Variants in SPTSSA observed in about 807,000 individuals in gnomAD.
SPTSSA encodes the protein small subunit of serine palmitoyltransferase A.
A neutral mutation model predicts 9.1 loss-of-function variants in SPTSSA; 8 were observed. The observed-to-expected ratio is 0.88, with a 90% CI of 0.51 to 1.58. The LOEUF (loss-of-function observed/expected upper bound fraction) is 1.58, where lower values mean the gene tolerates loss of function less well. SPTSSA is among the 40% of genes most tolerant of loss of function. The pLI is 0.00. For missense variants in SPTSSA, 100 were observed against 93.8 expected, an observed-to-expected ratio of 1.07 and a Z score of -0.27; for synonymous variants, 42 against 37.7, an observed-to-expected ratio of 1.11 and a Z score of -0.41.
At chr14:34,460,708 T>C (rs562149187) in intron 1 of SPTSSA, among the ~76,000 whole-genome samples, 2 of 152,348 alleles carry the variant, frequency 1.3e-5, no homozygotes, top group African/African-American at 4.8e-5. Flanking sequence ...ATATACTTGC[T>C]TCTACTGAGA....
intron 1 of SPTSSA, among the ~76,000 whole-genome samples, chr14:34,458,858 G>A (rs1878549737): frequency 6.6e-6 from 1 of 150,974 alleles, no homozygotes; most frequent in Non-Finnish European, 1.5e-5. Context: ...GGATGCCCCT[G>A]GAAAGTACAG....
intron 1 of SPTSSA, among the ~76,000 whole-genome samples, chr14:34,447,672 C>T (rs1883445302): frequency 6.6e-6 from 1 of 152,136 alleles, no homozygotes; most frequent in African/African-American, 2.4e-5. Flanking sequence ...TTGTTTTGGA[C>T]TAAGTTCATG....
intron 1 of SPTSSA, among the ~76,000 whole-genome samples, chr14:34,447,521 T>C (rs886547243): frequency 6.6e-5 from 10 of 152,196 alleles, no homozygotes; most frequent in African/African-American, 2.4e-4. Context: ...GGACTTAACC[T>C]ATAAATGATG....
At chr14:34,460,495 C>G (rs962835548) in intron 1 of SPTSSA, among the ~76,000 whole-genome samples, 6 of 152,114 alleles carry the variant, frequency 3.9e-5, no homozygotes, top group African/African-American at 1.4e-4. Context: ...TTATAGGACA[C>G]TATCACTATT....
At chr14:34,439,093 T>C (rs1404009961) in intron 1 of SPTSSA, among the ~76,000 whole-genome samples, 3 of 152,122 alleles carry the variant, frequency 2.0e-5, no homozygotes, top group African/African-American at 7.2e-5. Context: ...ATAAGCTAAG[T>C]AGGGACAGAG....
In SPTSSA at chr14:34,435,197, T is replaced by C; in HGVS notation, c.*4A>G. On this transcript the variant is annotated 3_prime_UTR_variant, in exon 2 of 2. Transcript: ENST00000298130. ...AGGAACCTCTGATCCTGGTCGCATCTTGGTCATTGTACGATTTCAAAGTAG... is the reference window on the plus strand; with the variant it reads ...AGGAACCTCTGATCCTGGTCGCATCCTGGTCATTGTACGATTTCAAAGTAG... The C allele has an allele frequency of 6.2e-7, 1 of 1,611,818 alleles. No homozygotes were observed. Among genetic ancestry groups the C allele is most frequent in the Non-Finnish European group, 8.5e-7 (1 of 1,178,452 alleles).
chr14:34,441,677 C>T (rs1883319008), intron 1 of SPTSSA, among the ~76,000 whole-genome samples: 1 of 151,944 alleles, frequency 6.6e-6, no homozygotes. Context: ...TCTCTCCTCT[C>T]TCTCTTTTCC....
chr14:34,460,001 A>G (rs1291790865), intron 1 of SPTSSA, among the ~76,000 whole-genome samples: 2 of 152,182 alleles, frequency 1.3e-5, no homozygotes, highest in Middle Eastern at 3.2e-3. Flanking sequence ...AAGCTTACTA[A>G]TCATTAATGG....
At chr14:34,451,283 T>C (rs918644456) in intron 1 of SPTSSA, among the ~76,000 whole-genome samples, 3 of 152,168 alleles carry the variant, frequency 2.0e-5, no homozygotes, top group African/African-American at 4.8e-5. Flanking sequence ...GTATGACTTA[T>C]ACATCTTCAC....
At chr14:34,449,818 T>A (rs539505894) in intron 1 of SPTSSA, among the ~76,000 whole-genome samples, 2 of 152,334 alleles carry the variant, frequency 1.3e-5, no homozygotes, top group South Asian at 2.1e-4. Context: ...ATTGGTTTTA[T>A]TGTCACACTT....
intron 1 of SPTSSA, among the ~76,000 whole-genome samples, chr14:34,438,948 C>T (rs1883279998): frequency 6.6e-6 from 1 of 152,086 alleles, no homozygotes. Flanking sequence ...AAGGACTTTC[C>T]GATCTAGCCC....
intron 1 of SPTSSA, among the ~76,000 whole-genome samples, chr14:34,451,057 C>A (rs1261972708): frequency 6.8e-6 from 1 of 146,046 alleles, no homozygotes; most frequent in African/African-American, 2.5e-5. Flanking sequence ...AGACCATTAT[C>A]AGCAACTTAA....
chr14:34,456,664 G>A (rs1345948402), intron 1 of SPTSSA, among the ~76,000 whole-genome samples: 3 of 152,080 alleles, frequency 2.0e-5, no homozygotes, highest in Admixed American at 6.5e-5. Flanking sequence ...TTGGGAGGCT[G>A]AGGCAGGCAG....
In SPTSSA at chr14:34,435,313, T is replaced by C. The variant is rs1335866611; in HGVS notation, c.113-9A>G. The C allele has an allele frequency of 1.3e-6, 2 of 1,591,828 alleles. No individual in the cohort carries two copies. The highest frequency in any genetic ancestry group is 1.7e-6 in the Non-Finnish European group (2 of 1,163,208). ...GGAAACCAGCATGGAATCTGAGTTGTAGTTAAGGAAACTTATTATTATTAA... is the reference window on the plus strand; with the variant it reads ...GGAAACCAGCATGGAATCTGAGTTGCAGTTAAGGAAACTTATTATTATTAA... On this transcript the variant is annotated splice_polypyrimidine_tract_variant and intron_variant, in intron 1 of 1. Transcript: ENST00000298130.
intron 1 of SPTSSA, among the ~76,000 whole-genome samples, chr14:34,461,742 C>T (rs1298346587): frequency 1.3e-5 from 2 of 152,240 alleles, no homozygotes; most frequent in Non-Finnish European, 2.9e-5. Flanking sequence ...TGATCCCCGC[C>T]TCCTACAGGA....
At chr14:34,456,480 T>C (rs1460930297) in intron 1 of SPTSSA, among the ~76,000 whole-genome samples, 3 of 152,072 alleles carry the variant, frequency 2.0e-5, no homozygotes, top group Admixed American at 2.0e-4. Flanking sequence ...ATTCCTAACA[T>C]AAACCAAAAA....
At chr14:34,444,773 G>C (rs1272052233) in intron 1 of SPTSSA, among the ~76,000 whole-genome samples, 1 of 150,360 alleles carries the variant, frequency 6.7e-6, no homozygotes. Flanking sequence ...AAATTGCTAA[G>C]AGTCGTCATT....
rs1386074827 is a variant in SPTSSA at position 34,434,729 on chromosome 14, T to C, written c.*472A>G. On this transcript the variant is annotated 3_prime_UTR_variant, in exon 2 of 2. Transcript: ENST00000298130. The stretch of plus-strand genomic sequence containing the variant: ...CTCAATAAAATATCTTCCCTCCCCA[T>C]ACCCCTACCCGAAATCTTATATTGT... 6.5e-6 allele frequency: 1 copy of C among 152,732 alleles called. No homozygotes were observed. The highest frequency in any genetic ancestry group is 1.5e-5 in the Non-Finnish European group (1 of 68,134). 9.5% of individuals were successfully genotyped at this position (152,732 alleles called of 1,614,324 possible).
In SPTSSA at chr14:34,435,118, T is replaced by A; in HGVS notation, c.*83A>T. On this transcript the variant is annotated 3_prime_UTR_variant, in exon 2 of 2. Transcript: ENST00000298130. Reference sequence around the variant, plus strand: ...TTGGTTATGTTGACATCTAGAAGAGTTTCTTATCACATCTGATGGTCTCAT... The same window carrying A: ...TTGGTTATGTTGACATCTAGAAGAGATTCTTATCACATCTGATGGTCTCAT... 2 of 1,049,554 alleles carry A rather than the reference T, an allele frequency of 1.9e-6. No homozygotes were observed. The highest frequency in any genetic ancestry group is 2.6e-5 in the East Asian group (1 of 39,012). 65.0% of individuals were successfully genotyped at this position (1,049,554 alleles called of 1,614,324 possible).
Sources: allele counts gnomAD v4.1 joint callset (sites outside exome capture counted in the v4.1 genomes callset), GRCh38; gene constraint gnomAD v4.1.1; transcripts MANE v1.5; gene names NCBI Gene and HGNC (gene_info 2026-07-23, HGNC 2026-07-21).